The following MOB3B variants were observed in gnomAD, a reference collection of about 807,000 sequenced individuals.
MOB3B encodes MOB kinase activator-like 2B.
Under a neutral mutation model 18.7 loss-of-function variants are expected in MOB3B, and 7 were observed. That is an observed-to-expected ratio of 0.37 (90% CI 0.21 to 0.70). The LOEUF is 0.70. MOB3B is among the 30% of genes least tolerant of loss of function. The probability of loss-of-function intolerance (pLI) is 0.52; values close to 1 mark genes in which losing one functional copy is unlikely to be tolerated. For missense variants in MOB3B, 253 were observed against 281.3 expected, an observed-to-expected ratio of 0.90 and a Z score of 0.72; for synonymous variants, 111 against 99.9, an observed-to-expected ratio of 1.11 and a Z score of -0.66.
intron 1 of MOB3B, among the ~76,000 whole-genome samples, chr9:27,522,853 G>T (rs1820360064): frequency 6.6e-6 from 1 of 151,666 alleles, no homozygotes; most frequent in African/African-American, 2.4e-5. Flanking sequence ...TTCCAAATTT[G>T]GTCAGCCCAA....
intron 2 of MOB3B, among the ~76,000 whole-genome samples, chr9:27,427,877 A>G (rs1323492353): frequency 2.0e-5 from 3 of 152,024 alleles, no homozygotes; most frequent in African/African-American, 4.8e-5. Flanking sequence ...CAGGCTCTCC[A>G]GCAGTCCCTC....
chr9:27,398,083 T>A (rs1226386903), intron 2 of MOB3B, among the ~76,000 whole-genome samples: 1 of 152,246 alleles, frequency 6.6e-6, no homozygotes, highest in East Asian at 1.9e-4. Flanking sequence ...CAGATCAGCA[T>A]TCTGGGTTAC....
chr9:27,461,266 G>A (rs1028271634), intron 1 of MOB3B, among the ~76,000 whole-genome samples: 8 of 152,110 alleles, frequency 5.3e-5, no homozygotes, highest in South Asian at 2.1e-4. Flanking sequence ...AATGAACATC[G>A]TCTGACCTTT....
intron 1 of MOB3B, among the ~76,000 whole-genome samples, chr9:27,478,111 A>C (rs1366873539): frequency 6.6e-6 from 1 of 152,270 alleles, no homozygotes; most frequent in Non-Finnish European, 1.5e-5. Flanking sequence ...GTGTTGCACA[A>C]ATTTACATTG....
At chr9:27,407,199 T>A (rs1821995195) in intron 2 of MOB3B, among the ~76,000 whole-genome samples, 1 of 152,202 alleles carries the variant, frequency 6.6e-6, no homozygotes, top group Non-Finnish European at 1.5e-5. Flanking sequence ...TAGGAAAGAC[T>A]GAAGCATCCT....
At chr9:27,413,701 A>G (rs1468823061) in intron 2 of MOB3B, among the ~76,000 whole-genome samples, 1 of 152,204 alleles carries the variant, frequency 6.6e-6, no homozygotes, top group Non-Finnish European at 1.5e-5. Context: ...CATGCAATAG[A>G]AAGTGAAAGC....
intron 3 of MOB3B, among the ~76,000 whole-genome samples, chr9:27,355,861 T>G (rs1314456951): frequency 6.6e-6 from 1 of 152,196 alleles, no homozygotes; most frequent in Non-Finnish European, 1.5e-5. Flanking sequence ...CAACTTGAGT[T>G]GTATATATAG....
chr9:27,405,752 C>CATAATTTG (rs1347561139), intron 2 of MOB3B, among the ~76,000 whole-genome samples: 2 of 152,048 alleles, frequency 1.3e-5, no homozygotes, highest in Non-Finnish European at 2.9e-5. Flanking sequence ...CTGAGTTCAA[C>CATAATTTG]AAGGCAAGGA....
chr9:27,395,162 G>A (rs1243677655), intron 2 of MOB3B, among the ~76,000 whole-genome samples: 1 of 152,226 alleles, frequency 6.6e-6, no homozygotes, highest in Non-Finnish European at 1.5e-5. Flanking sequence ...AAAGACCGCT[G>A]AAGCGGGGAG....
At chr9:27,402,690 C>T (rs1821901938) in intron 2 of MOB3B, among the ~76,000 whole-genome samples, 1 of 152,210 alleles carries the variant, frequency 6.6e-6, no homozygotes, top group Non-Finnish European at 1.5e-5. Context: ...TGGGGACTGC[C>T]TTCATTTTCA....
At chr9:27,507,248 A>C (rs1185504528) in intron 1 of MOB3B, among the ~76,000 whole-genome samples, 1 of 152,214 alleles carries the variant, frequency 6.6e-6, no homozygotes, top group Non-Finnish European at 1.5e-5. Flanking sequence ...GCTGGGATCC[A>C]AGTGCACAAG....
intron 1 of MOB3B, among the ~76,000 whole-genome samples, chr9:27,502,231 T>C (rs548428489): frequency 2.1e-4 from 32 of 152,324 alleles, no homozygotes; most frequent in African/African-American, 7.7e-4. Context: ...CAGCAATCTT[T>C]ATATCCTCAG....
At chr9:27,451,432 T>C (rs978815026) in intron 2 of MOB3B, among the ~76,000 whole-genome samples, 1 of 152,220 alleles carries the variant, frequency 6.6e-6, no homozygotes, top group African/African-American at 2.4e-5. Context: ...TTTGGTATTC[T>C]GCCATCTGAG....
Position 27,374,041 on chromosome 9 carries a change from G to A in MOB3B, c.419-14805C>T, listed in dbSNP as rs534642532. The stretch of plus-strand genomic sequence containing the variant: ...ATAAGGCAAATGCCCAGCTGTAACC[G>A]ATCCAGCTGTTTCTATACGTCACTT... On this transcript the variant is annotated intron_variant, in intron 2 of 3. Transcript: ENST00000262244. Among the ~76,000 whole-genome samples, 13 of 152,342 alleles carry A rather than the reference G, an allele frequency of 8.5e-5. No individual in the cohort carries two copies. In the South Asian group the frequency reaches 2.7e-3, roughly 32 times the overall value.
rs1051824101 is a variant in MOB3B, at chr9:27,513,905, ATGGATGGATGGATGGATGGATGG to A, written c.-199+15627_-199+15649del. On this transcript the variant is annotated intron_variant, in intron 1 of 3. Transcript: ENST00000262244. Reference sequence around the variant, plus strand: ...AACAGATGGATGGATGGATGGATGGATGGATGGATGGATGGATGGATGGTGGGTGGGTGGATGGATGGAATAAA... The same window carrying A: ...AACAGATGGATGGATGGATGGATGGATGGGTGGGTGGATGGATGGAATAAA... Among the ~76,000 whole-genome samples, 13 of 1,122 alleles carry A rather than the reference ATGGATGGATGGATGGATGGATGG, an allele frequency of 0.012. No individual in the cohort carries two copies. In the East Asian group the frequency reaches 0.29, roughly 25 times the overall value. 0.7% of individuals were successfully genotyped at this position (1,122 alleles called of 152,430 possible). A position where few individuals can be genotyped will look rare whatever the true frequency, so the allele number is the denominator to read the frequency against.
rs902082580 is a variant in MOB3B, at chr9:27,344,372, C to T, written c.622-13756G>A. Among the ~76,000 whole-genome samples the T allele has an allele frequency of 4.6e-5, 7 of 152,270 alleles. No homozygotes were observed. The South Asian group carries it at 1.5e-3, about 32-fold the overall frequency. ...AGTATTAGAAAAATGAGAATTATTC[C>T]ATTTAGAATAATCTCCTTCTTTTAA... On this transcript the variant is annotated intron_variant, in intron 3 of 3. Transcript: ENST00000262244.
At chr9:27,341,807 A>G (rs1820946276) in intron 3 of MOB3B, among the ~76,000 whole-genome samples, 1 of 152,214 alleles carries the variant, frequency 6.6e-6, no homozygotes, top group East Asian at 1.9e-4. Context: ...GATACTTGGC[A>G]GAGCGAGAAT....
In MOB3B at chr9:27,491,746, G is replaced by A. The variant is rs150753407; in HGVS notation, c.-198-35998C>T. ...AAATTAGCTGGGCGTGGTGGCAGGC[G>A]CCTGTAGTCCCAGCTACTTGGGAGG... is the stretch of plus-strand genomic sequence containing the variant. On this transcript the variant is annotated intron_variant, in intron 1 of 3. Transcript: ENST00000262244. Among the ~76,000 whole-genome samples the A allele has an allele frequency of 4.4e-3, 663 of 152,128 alleles. 6 individuals are homozygous for A. Among genetic ancestry groups the A allele is most frequent in the African/African-American group, 0.015 (626 of 41,518 alleles).
chr9:27,523,807 G>T (rs2131509760), intron 1 of MOB3B, among the ~76,000 whole-genome samples: 1 of 152,282 alleles, frequency 6.6e-6, no homozygotes, highest in East Asian at 1.9e-4. Context: ...ACTATACTGT[G>T]CTCTGGTGAC....
Sources: gnomAD v4.1 joint callset for allele counts (sites outside exome capture counted in the v4.1 genomes callset) on GRCh38, gnomAD v4.1.1 for gene constraint, MANE v1.5 for transcripts, NCBI Gene and HGNC (gene_info 2026-07-23, HGNC 2026-07-21) for gene names.